The following NCR3LG1 variants were observed in gnomAD, a reference collection of about 807,000 sequenced individuals.
NCR3LG1 encodes natural cytotoxicity triggering receptor 3 ligand 1.
In NCR3LG1, 35 loss-of-function variants were observed where a neutral mutation model predicts 34.8. That is an observed-to-expected ratio of 1.01 (90% confidence interval 0.77 to 1.33). The LOEUF is 1.33. NCR3LG1 is among the 40% of genes most tolerant of loss of function. The probability of loss-of-function intolerance (pLI) is 0.00; values close to 1 mark genes in which losing one functional copy is unlikely to be tolerated. For missense variants in NCR3LG1, 452 were observed against 423.3 expected (o/e 1.07, Z -0.60); for synonymous variants, 173 against 163.6 (o/e 1.06, Z -0.44).
intron 1 of NCR3LG1, among the ~76,000 whole-genome samples, chr11:17,354,194 C>G (rs902770166): frequency 6.6e-6 from 1 of 152,220 alleles, no homozygotes; most frequent in African/African-American, 2.4e-5. Flanking sequence ...TGGAGGTTCT[C>G]TATGTAGGTT....
intron 2 of NCR3LG1, among the ~76,000 whole-genome samples, chr11:17,361,156 T>A (rs1001889418): frequency 2.0e-5 from 3 of 152,204 alleles, no homozygotes; most frequent in Admixed American, 6.5e-5. Context: ...TTGCCTTTCT[T>A]CAGTATAGTG....
intron 1 of NCR3LG1, among the ~76,000 whole-genome samples, chr11:17,353,267 G>A (rs1004668288): frequency 7.2e-5 from 11 of 152,270 alleles, no homozygotes; most frequent in African/African-American, 2.4e-4. Flanking sequence ...CCCGATGGGA[G>A]AGGGAAGTGG....
Position 17,372,433 on chromosome 11 carries a change from G to T in NCR3LG1, c.1286G>T (p.Trp429Leu), listed in dbSNP as rs769309106. The change falls in exon 5 of 5, where the codon TGG becomes TTG. Residue 429 changes from tryptophan to leucine, a missense_variant. Coordinates refer to ENST00000338965, the MANE Select transcript of NCR3LG1 (RefSeq NM_001202439.3). ...CCAATCCTTCCTGTCTCCCCTATCTGGGAACCTCCTCCAGCCACAACATCA... is the reference window on the plus strand; with the variant it reads ...CCAATCCTTCCTGTCTCCCCTATCTTGGAACCTCCTCCAGCCACAACATCA... Reference protein sequence around the residue: ...DAPILPVSPIWEPPPATTSTT... With the variant: ...DAPILPVSPILEPPPATTSTT... The T allele has an allele frequency of 1.4e-5, 10 of 703,070 alleles. No homozygotes were observed. Among genetic ancestry groups the T allele is most frequent in the Non-Finnish European group, 2.3e-5 (9 of 385,068 alleles). 43.6% of individuals were successfully genotyped at this position (703,070 alleles called of 1,614,324 possible).
At chr11:17,362,695 T>C (rs138898165) in intron 2 of NCR3LG1, among the ~76,000 whole-genome samples, 156 of 3,784 alleles carry the variant, frequency 0.041, 2 homozygotes, top group East Asian at 0.07. Context: ...TTCCTTCCTT[T>C]CTTTCTTTCT....
At chr11:17,352,075 C>T in intron 1 of NCR3LG1, 36 bp downstream of exon 1, 1 of 1,400,996 alleles carries the variant, frequency 7.1e-7, no homozygotes, top group South Asian at 1.3e-5. Context: ...GGCGGGGGCT[C>T]CTGGCGCCAG....
intron 2 of NCR3LG1, among the ~76,000 whole-genome samples, chr11:17,364,607 C>T (rs538299850): frequency 2.0e-5 from 3 of 151,774 alleles, no homozygotes; most frequent in East Asian, 1.9e-4. Flanking sequence ...AGTGCAGTGG[C>T]GTGATCTCAG....
At chr11:17,370,753 G>A (rs7937091) in intron 4 of NCR3LG1, among the ~76,000 whole-genome samples, 33,048 of 152,142 alleles carry the variant, frequency 0.22, 3,949 homozygotes, top group African/African-American at 0.29. Context: ...CCGACAGCCC[G>A]TCAGAATGTT....
intron 3 of NCR3LG1, 22 bp from the exon 4 acceptor site, chr11:17,368,845 T>C (rs1427964488): frequency 2.0e-6 from 3 of 1,476,892 alleles, no homozygotes; most frequent in African/African-American, 2.8e-5. Flanking sequence ...TTCCTGCTAA[T>C]GTTTTCCTTC....
At chr11:17,364,484 A>G (rs1953322366) in intron 2 of NCR3LG1, among the ~76,000 whole-genome samples, 1 of 149,540 alleles carries the variant, frequency 6.7e-6, no homozygotes, top group Admixed American at 6.6e-5. Flanking sequence ...GTGAGCCACC[A>G]CACCGTGCCC....
intron 1 of NCR3LG1, among the ~76,000 whole-genome samples, chr11:17,355,128 A>C (rs1200452094): frequency 6.6e-6 from 1 of 152,214 alleles, no homozygotes; most frequent in Non-Finnish European, 1.5e-5. Context: ...AGCCAGTCGC[A>C]GTGGCTCATA....
intron 2 of NCR3LG1, among the ~76,000 whole-genome samples, chr11:17,362,091 A>G (rs991880354): frequency 3.3e-5 from 5 of 152,256 alleles, no homozygotes; most frequent in African/African-American, 1.2e-4. Context: ...ACCATGAAAT[A>G]TGATATTAGC....
At chr11:17,370,639 C>G (rs1342570193) in intron 4 of NCR3LG1, among the ~76,000 whole-genome samples, 1 of 152,158 alleles carries the variant, frequency 6.6e-6, no homozygotes, top group African/African-American at 2.4e-5. Context: ...TCACAGAGGA[C>G]TTAGCTGTCA....
Position 17,356,763 on chromosome 11 carries a change from G to A in NCR3LG1, c.183G>A (p.Met61Ile). 6.5e-7 allele frequency: 1 copy of A among 1,536,332 alleles called. No homozygotes were observed. Among genetic ancestry groups the A allele is most frequent in the Non-Finnish European group, 8.7e-7 (1 of 1,146,950 alleles). Residue 61 changes from methionine (M) to isoleucine (I), a missense_variant, in exon 2 of 5, where the codon ATG (methionine) becomes ATA (isoleucine). Transcript: ENST00000338965. ...CCCAACCCCTCAACATCACGTCTAT[G>A]GGTATCACCTGGTTTTGGAAGAGTC... ...FYSQPLNITS[M>I]GITWFWKSLT...
chr11:17,364,125 C>T (rs779648203), intron 2 of NCR3LG1, among the ~76,000 whole-genome samples: 12 of 152,036 alleles, frequency 7.9e-5, no homozygotes, highest in Non-Finnish European at 1.3e-4. Flanking sequence ...TGCAGTATCC[C>T]ACAGTTCTTG....
intron 2 of NCR3LG1, among the ~76,000 whole-genome samples, chr11:17,358,779 A>C (rs539431353): frequency 2.5e-4 from 38 of 152,284 alleles, no homozygotes; most frequent in African/African-American, 9.1e-4. Context: ...TAAGGACTCA[A>C]GGATATTTAT....
At chr11:17,377,553 T>G (rs781161152), downstream of NCR3LG1, among the ~76,000 whole-genome samples, 3 of 152,138 alleles carry the variant, frequency 2.0e-5, no homozygotes, top group Non-Finnish European at 4.4e-5. Context: ...CATGTAAAAT[T>G]CCAAATGGCA....
chr11:17,354,547 T>TC (rs1188295925), intron 1 of NCR3LG1, among the ~76,000 whole-genome samples: 14 of 58,942 alleles, frequency 2.4e-4, no homozygotes, highest in Non-Finnish European at 3.5e-4. Context: ...TTCTTCTTCT[T>TC]TTTTTTTTTT....
chr11:17,370,955 T>A (rs1953399379), intron 4 of NCR3LG1, among the ~76,000 whole-genome samples: 1 of 152,210 alleles, frequency 6.6e-6, no homozygotes, highest in Admixed American at 6.5e-5. Context: ...TTTTGTGATT[T>A]CCTTGAGACA....
rs757163762 is a variant in NCR3LG1, at chr11:17,362,691, CCTTTCTTTCTTTCTTTCTTTCTTT to C, written c.422-4264_422-4241del. On this transcript the variant is annotated intron_variant, in intron 2 of 4. Coordinates refer to ENST00000338965, the MANE Select transcript of NCR3LG1 (RefSeq NM_001202439.3). ...TCAGTGTCTCCTTCCTTCCTTCCTT[CCTTTCTTTCTTTCTTTCTTTCTTT>C]CTTTCTTTCTTTCTTTCTTTCTTTC... 3.7e-3 allele frequency among the ~76,000 whole-genome samples: 122 copies of C among 33,140 alleles called. 5 individuals carry two copies. Among genetic ancestry groups the C allele is most frequent in the Admixed American group, 0.011 (41 of 3,634 alleles). 21.7% of individuals were successfully genotyped at this position (33,140 alleles called of 152,430 possible).
Sources: allele counts gnomAD v4.1 joint callset (sites outside exome capture counted in the v4.1 genomes callset), GRCh38; gene constraint gnomAD v4.1.1; transcripts MANE v1.5; gene names NCBI Gene and HGNC (gene_info 2026-07-23, HGNC 2026-07-21).